SLC10A7: variants seen among roughly 807,000 people sequenced by gnomAD.
SLC10A7 encodes the protein sodium/bile acid cotransporter 7.
Under a neutral mutation model 43.2 loss-of-function variants are expected in SLC10A7, and 29 were observed. The ratio of observed to expected loss-of-function variants is 0.67; its 90% CI spans 0.50 to 0.92. The LOEUF is 0.92. SLC10A7 is among the 40% of genes least tolerant of loss of function. The probability of loss-of-function intolerance (pLI) is 0.00; values close to 1 mark genes in which losing one functional copy is unlikely to be tolerated. For synonymous variants in SLC10A7, 152 were observed against 144.8 expected, an observed-to-expected ratio of 1.05 and a Z score of -0.35; for missense variants, 295 against 403.2, an observed-to-expected ratio of 0.73 and a Z score of 2.30.
chr4:146,381,676 GT>G (rs1223626511), intron 5 of SLC10A7, among the ~76,000 whole-genome samples: 7 of 152,188 alleles, frequency 4.6e-5, no homozygotes, highest in African/African-American at 1.7e-4. Flanking sequence ...AGGGAGGCAA[GT>G]TCTTCTTTTC....
At chr4:146,447,664 T>C (rs1453165473) in intron 4 of SLC10A7, among the ~76,000 whole-genome samples, 2 of 151,140 alleles carry the variant, frequency 1.3e-5, no homozygotes, top group Non-Finnish European at 1.5e-5. Context: ...AGATCAATCC[T>C]AGCTAAAAAA....
intron 5 of SLC10A7, among the ~76,000 whole-genome samples, chr4:146,332,039 G>A (rs1332790083): frequency 6.6e-6 from 1 of 152,166 alleles, no homozygotes. Context: ...GAGACATTAG[G>A]AGCCTAGGGA....
chr4:146,326,075 G>T, intron 5 of SLC10A7, 79 bp from the exon 6 acceptor site: 3 of 1,224,936 alleles, frequency 2.4e-6, no homozygotes, highest in East Asian at 2.5e-5. Context: ...AAACTCTGAG[G>T]CATAGGAGTG....
intron 6 of SLC10A7, among the ~76,000 whole-genome samples, chr4:146,307,383 G>A (rs544551757): frequency 6.6e-6 from 1 of 152,240 alleles, no homozygotes; most frequent in South Asian, 2.1e-4. Context: ...AACTGGAAAA[G>A]AACAAACAGG....
rs573485219 is a variant in SLC10A7 at position 146,479,409 on chromosome 4, T to C, written c.396+24440A>G. On this transcript the variant is annotated intron_variant, in intron 4 of 11. Coordinates refer to ENST00000335472, the MANE Select transcript of SLC10A7 (RefSeq NM_001029998.6). The stretch of plus-strand genomic sequence containing the variant: ...TTATAATTAAAACAGATGAAAATGT[T>C]CAGAAGATAAATATAAAAAAGATAA... Among the ~76,000 whole-genome samples, 5 of 152,236 alleles carry C rather than the reference T, an allele frequency of 3.3e-5. No individual in the cohort carries two copies. The South Asian group carries it at 1.0e-3, about 32-fold the overall frequency.
chr4:146,468,472 A>AT (rs1733250814), intron 4 of SLC10A7, among the ~76,000 whole-genome samples: 6 of 74,588 alleles, frequency 8.0e-5, no homozygotes, highest in Non-Finnish European at 1.2e-4. Flanking sequence ...CTTATATTTT[A>AT]ATTTTTTTTT....
At chr4:146,505,558 A>G (rs1736823440) in intron 3 of SLC10A7, among the ~76,000 whole-genome samples, 1 of 152,182 alleles carries the variant, frequency 6.6e-6, no homozygotes, top group South Asian at 2.1e-4. Context: ...TCATTTTTGT[A>G]AGAACATATT....
intron 10 of SLC10A7, among the ~76,000 whole-genome samples, chr4:146,262,086 T>A (rs1728265469): frequency 1.3e-5 from 2 of 152,232 alleles, no homozygotes; most frequent in Admixed American, 6.5e-5. Flanking sequence ...AATTATCTAC[T>A]TTCCTTTTCA....
At chr4:146,453,344 C>T (rs754823660) in intron 4 of SLC10A7, among the ~76,000 whole-genome samples, 78 of 151,902 alleles carry the variant, frequency 5.1e-4, no homozygotes, top group East Asian at 3.9e-4. Flanking sequence ...AGAACAGAGC[C>T]GGCCGACAGT....
rs1198030382 is a variant in SLC10A7, at chr4:146,446,689, C to T, written c.397-3868G>A. Among the ~76,000 whole-genome samples, 3 of 151,964 alleles carry T rather than the reference C, an allele frequency of 2.0e-5. No homozygotes were observed. The East Asian group carries it at 5.8e-4, about 29-fold the overall frequency. On this transcript the variant is annotated intron_variant, in intron 4 of 11. Transcript: ENST00000335472. Reference sequence around the variant, plus strand: ...CTAAGCACCCACTTGTTTGTTACTCCTACTCACACCCTGACTCTGAAGTGG... The same window carrying T: ...CTAAGCACCCACTTGTTTGTTACTCTTACTCACACCCTGACTCTGAAGTGG...
intron 5 of SLC10A7, among the ~76,000 whole-genome samples, chr4:146,360,736 C>G (rs2149762819): frequency 6.6e-6 from 1 of 152,254 alleles, no homozygotes; most frequent in African/African-American, 2.4e-5. Context: ...GGATTACAGG[C>G]ATGAGCCACC....
At chr4:146,479,619 G>A (rs1734295144) in intron 4 of SLC10A7, among the ~76,000 whole-genome samples, 1 of 152,094 alleles carries the variant, frequency 6.6e-6, no homozygotes, top group Admixed American at 6.5e-5. Flanking sequence ...TGGGGGAAGG[G>A]AGTATGGAGA....
At chr4:146,474,640 A>G (rs1348442445) in intron 4 of SLC10A7, among the ~76,000 whole-genome samples, 1 of 152,174 alleles carries the variant, frequency 6.6e-6, no homozygotes, top group East Asian at 1.9e-4. Context: ...GGTGGTAAAG[A>G]AGGCAATAAG....
rs373520186 is a variant in SLC10A7, at chr4:146,480,642, A to ACATCT, written c.396+23202_396+23206dup. On this transcript the variant is annotated intron_variant, in intron 4 of 11. Transcript: ENST00000335472. ...CTTAGTATATAAAATACTTTTATTTACATCTTAAAAGCAATAATTTAGTCA... is the reference window on the plus strand; with the variant it reads ...CTTAGTATATAAAATACTTTTATTTACATCTCATCTTAAAAGCAATAATTTAGTCA... Among the ~76,000 whole-genome samples the ACATCT allele has an allele frequency of 4.2e-3, 637 of 152,298 alleles. 1 individual carries two copies. Among genetic ancestry groups the ACATCT allele is most frequent in the South Asian group, 0.019 (90 of 4,826 alleles).
intron 5 of SLC10A7, among the ~76,000 whole-genome samples, chr4:146,427,840 C>CTGT (rs1326132910): frequency 7.2e-5 from 11 of 152,024 alleles, no homozygotes; most frequent in African/African-American, 2.7e-4. Flanking sequence ...AGCCTGTTCT[C>CTGT]AAAAATACAG....
intron 5 of SLC10A7, among the ~76,000 whole-genome samples, chr4:146,390,217 G>A (rs757349519): frequency 1.3e-5 from 2 of 152,188 alleles, no homozygotes; most frequent in Admixed American, 6.5e-5. Context: ...GAAATTGACA[G>A]AAGGCCATCA....
intron 10 of SLC10A7, among the ~76,000 whole-genome samples, chr4:146,266,458 C>T (rs1222769750): frequency 6.6e-6 from 1 of 150,754 alleles, no homozygotes; most frequent in Non-Finnish European, 1.5e-5. Context: ...CACACACACA[C>T]ATACACACAG....
intron 4 of SLC10A7, among the ~76,000 whole-genome samples, chr4:146,492,781 T>C (rs1156364014): frequency 6.6e-6 from 1 of 152,178 alleles, no homozygotes; most frequent in Admixed American, 6.5e-5. Flanking sequence ...TAGATCATAT[T>C]TCACCAAGAA....
chr4:146,400,422 C>A lies in SLC10A7; in HGVS notation c.435+42361G>T, dbSNP rs555336371. On this transcript the variant is annotated intron_variant, in intron 5 of 11. Transcript: ENST00000335472. ...GGCAGTGGCTAAAGGGGTACTCGGG[C>A]GGTGTTATAAGAGCACGATCCAGTA... Among the ~76,000 whole-genome samples the A allele has an allele frequency of 5.9e-5, 9 of 152,002 alleles. No homozygotes were observed. The South Asian group carries it at 1.9e-3, about 32-fold the overall frequency.
Sources: allele counts gnomAD v4.1 joint callset (sites outside exome capture counted in the v4.1 genomes callset), GRCh38; gene constraint gnomAD v4.1.1; transcripts MANE v1.5; gene names NCBI Gene and HGNC (gene_info 2026-07-23, HGNC 2026-07-21).